Variants in IQUB observed in about 807,000 individuals in gnomAD.
The protein encoded by IQUB is IQ motif and ubiquitin-like domain-containing protein.
IQUB carries 86 observed loss-of-function variants against 86.4 expected under a neutral mutation model. That is an observed-to-expected ratio of 1.00 (90% CI 0.84 to 1.19). The LOEUF (loss-of-function observed/expected upper bound fraction) is 1.19. Ranked by LOEUF, IQUB falls within the 50% of genes most tolerant of loss-of-function variation. The pLI, the probability that IQUB is intolerant of heterozygous loss-of-function variation, is 0.00. For missense variants in IQUB, 946 were observed against 916.9 expected, an observed-to-expected ratio of 1.03 and a Z score of -0.41; for synonymous variants, 289 against 304.5, an observed-to-expected ratio of 0.95 and a Z score of 0.53.
chr7:123,466,588 C>A (rs1253521553), intron 9 of IQUB, among the ~76,000 whole-genome samples: 1 of 152,132 alleles, frequency 6.6e-6, no homozygotes, highest in Non-Finnish European at 1.5e-5. Flanking sequence ...CTGGAAGAAC[C>A]ATTTACCCAA....
At chr7:123,489,846 A>G (rs1795380601) in intron 7 of IQUB, among the ~76,000 whole-genome samples, 1 of 152,028 alleles carries the variant, frequency 6.6e-6, no homozygotes, top group African/African-American at 2.4e-5. Context: ...AGTGGCTAAG[A>G]ATTATCCAGA....
At chr7:123,470,376 A>G (rs980230482) in intron 8 of IQUB, among the ~76,000 whole-genome samples, 1 of 152,192 alleles carries the variant, frequency 6.6e-6, no homozygotes, top group African/African-American at 2.4e-5. Context: ...AACATGTTGG[A>G]TGTTTTTGTA....
intron 10 of IQUB, 124 bp from the exon 11 acceptor site, chr7:123,461,729 G>A: frequency 2.4e-6 from 2 of 841,142 alleles, no homozygotes; most frequent in East Asian, 2.9e-5. Context: ...AAAAAAAAAA[G>A]TTGGCTAATT....
At chr7:123,524,736 T>C (rs1455725441) in intron 1 of IQUB, among the ~76,000 whole-genome samples, 4 of 148,892 alleles carry the variant, frequency 2.7e-5, no homozygotes, top group South Asian at 2.1e-4. Flanking sequence ...TCCAACACTA[T>C]GTTGAATAGG....
chr7:123,503,245 T>A lies in IQUB; in HGVS notation c.651A>T (p.Gly217=), dbSNP rs1796029563. Residue 217 remains glycine, a synonymous_variant, in exon 4 of 13, where the codon GGA becomes GGT. Coordinates refer to ENST00000324698, the MANE Select transcript of IQUB (RefSeq NM_178827.5). ...PDLYPVRRID[G]LTDVSQIITV... ...TTATGATTTGAGAGACATCAGTTAA[T>A]CCATCTATTCTTCTGACTGGATACA... 1 of 1,612,020 alleles carries A rather than the reference T, an allele frequency of 6.2e-7. No individual in the cohort carries two copies. The highest frequency in any genetic ancestry group is 8.5e-7 in the Non-Finnish European group (1 of 1,178,890).
At chr7:123,529,724 TAAAAAAAA>T (rs753026777) in intron 1 of IQUB, among the ~76,000 whole-genome samples, 59 of 35,822 alleles carry the variant, frequency 1.6e-3, no homozygotes, top group African/African-American at 6.4e-3. Flanking sequence ...TGTCTCTACT[TAAAAAAAA>T]AAAAAAAAAA....
intron 8 of IQUB, among the ~76,000 whole-genome samples, chr7:123,475,241 A>C (rs1048329723): frequency 6.6e-6 from 1 of 152,146 alleles, no homozygotes; most frequent in Non-Finnish European, 1.5e-5. Flanking sequence ...TTCTGTACTC[A>C]GGATCCTTCA....
intron 8 of IQUB, among the ~76,000 whole-genome samples, chr7:123,470,368 C>T (rs980860116): frequency 6.6e-6 from 1 of 152,136 alleles, no homozygotes; most frequent in African/African-American, 2.4e-5. Flanking sequence ...TCTTCAAAAA[C>T]ATGTTGGATG....
intron 6 of IQUB, among the ~76,000 whole-genome samples, chr7:123,500,502 C>G (rs1160203605): frequency 6.6e-6 from 1 of 151,956 alleles, no homozygotes; most frequent in South Asian, 2.1e-4. Flanking sequence ...TATCATCTTT[C>G]TTGAAACAAG....
chr7:123,454,506 GATT>G (rs1793601085), intron 12 of IQUB, among the ~76,000 whole-genome samples: 1 of 152,058 alleles, frequency 6.6e-6, no homozygotes, highest in African/African-American at 2.4e-5. Flanking sequence ...GATTTCAATA[GATT>G]ATTATATACC....
At chr7:123,526,738 A>G (rs1327281469) in intron 1 of IQUB, among the ~76,000 whole-genome samples, 1 of 150,664 alleles carries the variant, frequency 6.6e-6, no homozygotes, top group Non-Finnish European at 1.5e-5. Flanking sequence ...TGATCCTGTC[A>G]TTATGATGTT....
chr7:123,502,878 G>T, intron 5 of IQUB, 66 bp downstream of exon 5: 1 of 1,431,938 alleles, frequency 7.0e-7, no homozygotes, highest in Non-Finnish European at 9.5e-7. Flanking sequence ...AAATTTGAGA[G>T]AGTCATACAG....
At chr7:123,522,911 T>C (rs1366402715) in intron 1 of IQUB, among the ~76,000 whole-genome samples, 1 of 142,466 alleles carries the variant, frequency 7.0e-6, no homozygotes, top group Non-Finnish European at 1.5e-5. Context: ...TGTCCATGTG[T>C]TCTCACTGTT....
rs117920953 is a variant in IQUB at position 123,513,791 on chromosome 7, G to A, written c.-4-1447C>T. On this transcript the variant is annotated intron_variant, in intron 1 of 12. Coordinates refer to ENST00000324698, the MANE Select transcript of IQUB (RefSeq NM_178827.5). Reference sequence around the variant, plus strand: ...AGCCTCCTGAGTCACTGGGTCTACAGGTATGTGCTACCACACTCAGCTTAT... The same window carrying A: ...AGCCTCCTGAGTCACTGGGTCTACAAGTATGTGCTACCACACTCAGCTTAT... 4.0e-3 allele frequency among the ~76,000 whole-genome samples: 615 copies of A among 152,242 alleles called. 11 individuals are homozygous for A. Among genetic ancestry groups the A allele is most frequent in the East Asian group, 0.033 (171 of 5,172 alleles).
intron 9 of IQUB, among the ~76,000 whole-genome samples, chr7:123,466,748 T>C (rs1280560197): frequency 6.6e-6 from 1 of 152,162 alleles, no homozygotes; most frequent in Non-Finnish European, 1.5e-5. Context: ...TTTGTAATCA[T>C]GTAGCTCACT....
At chr7:123,475,373 C>CTTTT (rs35957699) in intron 8 of IQUB, among the ~76,000 whole-genome samples, 1,435 of 92,870 alleles carry the variant, frequency 0.015, 18 homozygotes, top group African/African-American at 0.05. Flanking sequence ...CTCCATTTCA[C>CTTTT]TTTTTTTTTT....
At chr7:123,480,103 C>A in intron 7 of IQUB, 133 bp from the exon 8 acceptor site, 4 of 651,318 alleles carry the variant, frequency 6.1e-6, no homozygotes, top group Non-Finnish European at 1.0e-5. Context: ...TTCTATTGTA[C>A]ACCTGATGCA....
At chr7:123,501,691 T>C (rs929643621) in intron 6 of IQUB, 1 of 152,218 alleles carries the variant, frequency 6.6e-6, no homozygotes, top group African/African-American at 2.4e-5. Flanking sequence ...CCATCTCTTT[T>C]AACTTTGTTT....
At chr7:123,490,475 C>T (rs1057354317) in intron 7 of IQUB, among the ~76,000 whole-genome samples, 1 of 152,100 alleles carries the variant, frequency 6.6e-6, no homozygotes, top group African/African-American at 2.4e-5. Context: ...CTCACAATAA[C>T]TGATATACAA....
Sources: allele counts gnomAD v4.1 joint callset (sites outside exome capture counted in the v4.1 genomes callset), GRCh38; gene constraint gnomAD v4.1.1; transcripts MANE v1.5; gene names NCBI Gene and HGNC (gene_info 2026-07-23, HGNC 2026-07-21).